EHMT1: variants seen among roughly 807,000 people sequenced by gnomAD.
EHMT1 encodes the protein euchromatic histone lysine methyltransferase 1.
In EHMT1, 15 loss-of-function variants were observed where a neutral mutation model predicts 147.2. The observed-to-expected ratio is 0.10, with a 90% CI of 0.07 to 0.16. The LOEUF (loss-of-function observed/expected upper bound fraction) is 0.16, where lower values mean the gene tolerates loss of function less well. EHMT1 is among the 10% of genes least tolerant of loss of function. EHMT1 has a pLI of 1.00. For synonymous variants in EHMT1, 795 were observed against 709.6 expected (o/e 1.12, Z -1.91); for missense variants, 1,587 against 1,772.4 (o/e 0.90, Z 1.88).
At position 137,813,367 on chromosome 9, in the gene EHMT1, C is replaced by T. The variant is rs955789565; in HGVS notation, c.3036-19C>T. The T allele has an allele frequency of 7.5e-6, 12 of 1,606,300 alleles. No individual in the cohort carries two copies. Among genetic ancestry groups the T allele is most frequent in the Non-Finnish European group, 1.0e-5 (12 of 1,177,904 alleles). On this transcript the variant is annotated intron_variant, in intron 20 of 26. Transcript: ENST00000460843. The surrounding 1 kb of genome is among the most constrained non-coding windows in gnomAD (Gnocchi z 4.9). ...AGAGCACGTCAGCCACCAGGTGACA[C>T]CTGTCCTTTCCATGGCAGGGACATC...
At chr9:137,656,255 G>T (rs1002608719) in intron 1 of EHMT1, among the ~76,000 whole-genome samples, 13 of 152,014 alleles carry the variant, frequency 8.6e-5, no homozygotes, top group Admixed American at 8.5e-4. Flanking sequence ...CAGCGTGCGC[G>T]TGTAATCCCA....
chr9:137,661,136 CA>C (rs1172991479), intron 1 of EHMT1, among the ~76,000 whole-genome samples: 6 of 152,064 alleles, frequency 3.9e-5, no homozygotes. Context: ...TTTAGACTTA[CA>C]AAAAAAGTTG....
intron 3 of EHMT1, among the ~76,000 whole-genome samples, chr9:137,721,504 G>A (rs1334318637): frequency 1.4e-4 from 8 of 58,706 alleles, no homozygotes; most frequent in South Asian, 1.1e-3. Context: ...CTTCTCACAC[G>A]CCTCTCACCC....
At chr9:137,740,828 A>T (rs1373870658) in intron 4 of EHMT1, among the ~76,000 whole-genome samples, 1 of 152,058 alleles carries the variant, frequency 6.6e-6, no homozygotes, top group Non-Finnish European at 1.5e-5. Context: ...TTTGAGATGG[A>T]GTCTAGCTCT....
intron 13 of EHMT1, 129 bp from the exon 14 acceptor site, chr9:137,779,506 C>T: frequency 1.1e-6 from 1 of 951,946 alleles, no homozygotes; most frequent in South Asian, 1.4e-5. Flanking sequence ...CCTTCAGCTT[C>T]ATGTGTGGGA....
At chr9:137,653,442 ATCC>A (rs753764879) in intron 1 of EHMT1, among the ~76,000 whole-genome samples, 3 of 152,146 alleles carry the variant, frequency 2.0e-5, no homozygotes, top group Non-Finnish European at 2.9e-5. Flanking sequence ...CCCAGAAGGT[ATCC>A]TCGTAGTTAA....
chr9:137,724,979 G>A (rs1001355857), intron 3 of EHMT1, among the ~76,000 whole-genome samples: 2 of 149,688 alleles, frequency 1.3e-5, no homozygotes, highest in African/African-American at 4.9e-5. Context: ...CATTCGTGTG[G>A]CAGACGTGTG....
intron 1 of EHMT1, among the ~76,000 whole-genome samples, chr9:137,662,201 T>A (rs1381027954): frequency 6.6e-6 from 1 of 152,178 alleles, no homozygotes; most frequent in African/African-American, 2.4e-5. Context: ...TATTTTTGTT[T>A]AGATATTTTT....
chr9:137,663,829 G>T (rs1327081799), intron 1 of EHMT1, among the ~76,000 whole-genome samples: 1 of 152,144 alleles, frequency 6.6e-6, no homozygotes, highest in Non-Finnish European at 1.5e-5. Context: ...CTGGAGAGAA[G>T]GTGGAATGCA....
chr9:137,724,558 C>T (rs1050428709), intron 3 of EHMT1, among the ~76,000 whole-genome samples: 2 of 152,214 alleles, frequency 1.3e-5, no homozygotes, highest in African/African-American at 2.4e-5. Flanking sequence ...GGTGTGTGTA[C>T]CTCGGCAAGA....
chr9:137,683,081 A>C (rs1942114356), intron 1 of EHMT1, among the ~76,000 whole-genome samples: 1 of 152,248 alleles, frequency 6.6e-6, no homozygotes, highest in South Asian at 2.1e-4. Flanking sequence ...TAATAAGCAT[A>C]AAAGCCAAAA....
At chr9:137,749,676 T>TA (rs1179567567) in intron 6 of EHMT1, among the ~76,000 whole-genome samples, 1 of 152,226 alleles carries the variant, frequency 6.6e-6, no homozygotes, top group Non-Finnish European at 1.5e-5. Flanking sequence ...CTTGATTCCT[T>TA]ACAGCTGTCT....
chr9:137,827,324 T>C (rs1955875397), intron 25 of EHMT1, among the ~76,000 whole-genome samples: 1 of 151,468 alleles, frequency 6.6e-6, no homozygotes, highest in South Asian at 2.1e-4. Context: ...CCCTGCACCC[T>C]CTCACTTCTC....
At chr9:137,719,242 G>T (rs1200404652) in intron 3 of EHMT1, among the ~76,000 whole-genome samples, 1 of 152,070 alleles carries the variant, frequency 6.6e-6, no homozygotes, top group East Asian at 1.9e-4. Flanking sequence ...CCACCAGGGT[G>T]TCTCCATCTT....
At chr9:137,726,063 C>T (rs967111884) in intron 3 of EHMT1, among the ~76,000 whole-genome samples, 3 of 151,466 alleles carry the variant, frequency 2.0e-5, no homozygotes, top group African/African-American at 7.3e-5. Flanking sequence ...CTGGCCTTGA[C>T]TATAGTTGAT....
chr9:137,705,101 C>T (rs1199997090), intron 1 of EHMT1, among the ~76,000 whole-genome samples: 3 of 151,926 alleles, frequency 2.0e-5, no homozygotes, highest in Non-Finnish European at 4.4e-5. Flanking sequence ...GGGAACCTCC[C>T]ACCTCAGCCT....
chr9:137,815,874 G>A lies in EHMT1; in HGVS notation c.3259-73G>A, dbSNP rs960965912. ...TTTAAGCCACACTGGGCACTTAGTA[G>A]AAATGGGTTGATGTCAGTTCAATTA... On this transcript the variant is annotated intron_variant, in intron 22 of 26. Transcript: ENST00000460843. 5 of 1,307,480 alleles carry A rather than the reference G, an allele frequency of 3.8e-6. No individual in the cohort carries two copies. In the African/African-American group the frequency reaches 4.4e-5, roughly 12 times the overall value. 81.0% of individuals were successfully genotyped at this position (1,307,480 alleles called of 1,614,324 possible). A position where few individuals can be genotyped will look rare whatever the true frequency, so the allele number is the denominator to read the frequency against.
chr9:137,762,875 A>T (rs1949938638), intron 10 of EHMT1, 55 bp downstream of exon 10: 1 of 1,610,024 alleles, frequency 6.2e-7, no homozygotes. Context: ...GAGAAAGCCC[A>T]GCCCAGCAGG....
rs976711440 is a variant in EHMT1, at chr9:137,782,564, G to T, written c.2382+167G>T. On this transcript the variant is annotated intron_variant, in intron 15 of 26. Transcript: ENST00000460843. This position sits in a 1 kb window ranked among gnomAD's most constrained non-coding sequence, Gnocchi z 5.7. ...CCCCGAGTCCTGCAGGTGGATCAGT[G>T]CTTCCCGCTGTTTCTTCCGGCATTT... Among the ~76,000 whole-genome samples, 1 of 152,176 alleles carries T rather than the reference G, an allele frequency of 6.6e-6. No individual in the cohort carries two copies. The highest frequency in any genetic ancestry group is 1.5e-5 in the Non-Finnish European group (1 of 68,034).
Sources: allele counts gnomAD v4.1 joint callset (sites outside exome capture counted in the v4.1 genomes callset), GRCh38; gene constraint gnomAD v4.1.1; non-coding constraint Gnocchi (gnomAD v3.1); transcripts MANE v1.5; gene names NCBI Gene and HGNC (gene_info 2026-07-23, HGNC 2026-07-21).